Variants in ADAMTS2 observed in about 807,000 individuals in gnomAD.
The protein encoded by ADAMTS2 is A disintegrin and metalloproteinase with thrombospondin motifs 2.
A neutral mutation model predicts 123.0 loss-of-function variants in ADAMTS2; 50 were observed. The observed-to-expected ratio is 0.41, with a 90% CI of 0.32 to 0.51. ADAMTS2 has a LOEUF of 0.51. Among genes scored for constraint, ADAMTS2 ranks in the 20% least tolerant of loss-of-function variants. The probability of loss-of-function intolerance (pLI) is 0.35; values close to 1 mark genes in which losing one functional copy is unlikely to be tolerated. For missense variants in ADAMTS2, 1,494 were observed against 1,705.2 expected (o/e 0.88, Z 2.18); for synonymous variants, 678 against 695.4 (o/e 0.98, Z 0.39).
intron 3 of ADAMTS2, among the ~76,000 whole-genome samples, chr5:179,244,324 G>A (rs955491845): frequency 3.4e-5 from 5 of 147,006 alleles, no homozygotes; most frequent in East Asian, 3.8e-4. Context: ...ATTTCCAGCC[G>A]ACTTCTCCTA....
intron 3 of ADAMTS2, among the ~76,000 whole-genome samples, chr5:179,268,453 T>C (rs1766430766): frequency 6.6e-6 from 1 of 152,216 alleles, no homozygotes; most frequent in South Asian, 2.1e-4. Flanking sequence ...CAAATGGCAC[T>C]GTGTGTCTGA....
intron 4 of ADAMTS2, among the ~76,000 whole-genome samples, chr5:179,206,392 G>A (rs1384724683): frequency 6.6e-6 from 1 of 152,186 alleles, no homozygotes; most frequent in Non-Finnish European, 1.5e-5. Flanking sequence ...CTGGGCAGCA[G>A]ATCCTGAGCA....
chr5:179,134,074 A>G (rs1315645544), intron 13 of ADAMTS2, among the ~76,000 whole-genome samples: 2 of 152,176 alleles, frequency 1.3e-5, no homozygotes, highest in East Asian at 1.9e-4. Context: ...GAGACAGTGC[A>G]TTAGTGATCT....
At chr5:179,127,812 T>G in intron 17 of ADAMTS2, 147 bp downstream of exon 17, 1 of 812,792 alleles carries the variant, frequency 1.2e-6, no homozygotes, top group Non-Finnish European at 1.9e-6. Flanking sequence ...GGCCCCTCCA[T>G]TGCCGCTAAG....
At chr5:179,154,771 T>C in intron 7 of ADAMTS2, 43 bp downstream of exon 7, 1 of 1,505,028 alleles carries the variant, frequency 6.6e-7, no homozygotes. Context: ...CTGGGGATCC[T>C]AGGGTGGCCC....
rs557312236 is a variant in ADAMTS2, at chr5:179,158,146, T to G, written c.1132+577A>C. 8.5e-5 allele frequency among the ~76,000 whole-genome samples: 13 copies of G among 152,214 alleles called. No homozygotes were observed. The South Asian group carries it at 1.0e-3, about 12-fold the overall frequency. On this transcript the variant is annotated intron_variant, in intron 6 of 21. Coordinates refer to ENST00000251582, the MANE Select transcript of ADAMTS2 (RefSeq NM_014244.5). This position sits in a 1 kb window ranked among gnomAD's most constrained non-coding sequence, Gnocchi z 5.0. The stretch of plus-strand genomic sequence containing the variant: ...TGCCCTGCTAATTTTTTTGTATTTT[T>G]ATTAGAGACGGGGTTTCACCATGTT...
At chr5:179,120,597 G>C (rs986870507) in intron 21 of ADAMTS2, 1 of 152,080 alleles carries the variant, frequency 6.6e-6, no homozygotes, top group African/African-American at 2.4e-5. Flanking sequence ...GGGCGGGGAG[G>C]AGTGCTACAT....
intron 3 of ADAMTS2, among the ~76,000 whole-genome samples, chr5:179,240,510 G>A (rs958068713): frequency 1.3e-5 from 2 of 152,132 alleles, no homozygotes; most frequent in African/African-American, 2.4e-5. Flanking sequence ...AAAGGGAACC[G>A]GGAAAATAGA....
intron 2 of ADAMTS2, among the ~76,000 whole-genome samples, chr5:179,315,118 T>C (rs902299316): frequency 4.4e-5 from 6 of 137,100 alleles, no homozygotes; most frequent in Admixed American, 1.6e-4. Flanking sequence ...ACTCACTCTC[T>C]CTCTTCTGTT....
At chr5:179,294,478 G>A (rs1264828077) in intron 2 of ADAMTS2, among the ~76,000 whole-genome samples, 2 of 152,230 alleles carry the variant, frequency 1.3e-5, no homozygotes, top group South Asian at 2.1e-4. Context: ...GGGGTGCCAG[G>A]ATCAACCCGA....
chr5:179,153,967 C>G (rs1413351273), intron 8 of ADAMTS2, 82 bp downstream of exon 8: 3 of 1,526,478 alleles, frequency 2.0e-6, no homozygotes, highest in East Asian at 2.4e-5. Flanking sequence ...GGCTCTGGCT[C>G]TGGTGCATGG....
chr5:179,166,356 C>T (rs376263684), intron 5 of ADAMTS2, among the ~76,000 whole-genome samples: 2 of 152,200 alleles, frequency 1.3e-5, no homozygotes, highest in South Asian at 4.1e-4. Context: ...CCCAGGGATC[C>T]CACCATGAGG....
At chr5:179,265,835 C>A (rs570436506) in intron 3 of ADAMTS2, among the ~76,000 whole-genome samples, 1 of 152,382 alleles carries the variant, frequency 6.6e-6, no homozygotes, top group East Asian at 1.9e-4. Context: ...CTCCCGGAGC[C>A]GCCTCGGGTT....
intron 4 of ADAMTS2, among the ~76,000 whole-genome samples, chr5:179,194,379 C>G (rs2113344644): frequency 6.6e-6 from 1 of 152,340 alleles, no homozygotes; most frequent in Middle Eastern, 3.4e-3. Flanking sequence ...ATCCCCAGCA[C>G]CTAGGGCTGC....
intron 4 of ADAMTS2, among the ~76,000 whole-genome samples, chr5:179,201,403 G>A (rs578035383): frequency 1.1e-3 from 163 of 152,296 alleles, no homozygotes; most frequent in Non-Finnish European, 1.7e-3. Flanking sequence ...ATGGTGCGAT[G>A]TTATGCAATC....
intron 2 of ADAMTS2, among the ~76,000 whole-genome samples, chr5:179,330,605 G>C (rs115105174): frequency 8.5e-5 from 13 of 152,176 alleles, no homozygotes; most frequent in Admixed American, 8.5e-4. Context: ...CCCAGTGCCC[G>C]TGATCTCCAC....
At chr5:179,287,125 G>A (rs921978929) in intron 2 of ADAMTS2, among the ~76,000 whole-genome samples, 8 of 152,090 alleles carry the variant, frequency 5.3e-5, no homozygotes, top group Non-Finnish European at 7.4e-5. Context: ...GGCAGGGTCC[G>A]GTGGCCAGAG....
At chr5:179,194,577 C>G (rs929154440) in intron 4 of ADAMTS2, among the ~76,000 whole-genome samples, 51 of 152,056 alleles carry the variant, frequency 3.4e-4, no homozygotes, top group Non-Finnish European at 5.0e-4. Context: ...TGAGAACCCG[C>G]GGAGCATGCT....
At position 179,144,768 on chromosome 5, in the gene ADAMTS2, T is replaced by C. The variant is rs548438705; in HGVS notation, c.1630-4733A>G. Among the ~76,000 whole-genome samples, 114 of 152,368 alleles carry C rather than the reference T, an allele frequency of 7.5e-4. 4 individuals are homozygous for C. In the South Asian group the frequency reaches 0.023, roughly 30 times the overall value. On this transcript the variant is annotated intron_variant, in intron 10 of 21. Transcript: ENST00000251582. ...CTCAAAAATGGATCACAGATGTCAA[T>C]GTAAGAGCTGAAACTCTGAGAATAA...
Sources: allele counts gnomAD v4.1 joint callset (sites outside exome capture counted in the v4.1 genomes callset), GRCh38; gene constraint gnomAD v4.1.1; non-coding constraint Gnocchi (gnomAD v3.1); transcripts MANE v1.5; gene names NCBI Gene and HGNC (gene_info 2026-07-23, HGNC 2026-07-21).